The following VPS8 variants were observed in gnomAD, a reference collection of about 807,000 sequenced individuals.
The protein encoded by VPS8 is VPS8 subunit of CORVET complex.
Under a neutral mutation model 216.4 loss-of-function variants are expected in VPS8, and 129 were observed. The observed-to-expected ratio is 0.60, with a 90% CI of 0.52 to 0.69. The LOEUF is 0.69. Among genes scored for constraint, VPS8 ranks in the 30% least tolerant of loss-of-function variants. The pLI is 0.00. For synonymous variants in VPS8, 571 were observed against 565.4 expected, an observed-to-expected ratio of 1.01 and a Z score of -0.14; for missense variants, 1,531 against 1,683.5, an observed-to-expected ratio of 0.91 and a Z score of 1.59.
intron 45 of VPS8, among the ~76,000 whole-genome samples, chr3:185,002,548 C>T (rs928119816): frequency 6.6e-6 from 1 of 152,152 alleles, no homozygotes; most frequent in African/African-American, 2.4e-5. Context: ...GCACCCATCA[C>T]CCAAGCAGTG....
At chr3:185,013,672 T>TTA (rs1215802404) in intron 45 of VPS8, among the ~76,000 whole-genome samples, 1 of 152,234 alleles carries the variant, frequency 6.6e-6, no homozygotes, top group African/African-American at 2.4e-5. Context: ...AATCCTTATG[T>TTA]TTAGCTCCTA....
chr3:184,993,844 G>A (rs182153800), intron 42 of VPS8, 139 bp from the exon 43 acceptor site: 1,222 of 658,946 alleles, frequency 1.9e-3, no homozygotes, highest in Admixed American at 2.8e-3. Context: ...GTACATTTCC[G>A]GTGGAAAGTT....
Position 184,849,153 on chromosome 3 carries a change from C to A in VPS8, c.624C>A (p.Asn208Lys), listed in dbSNP as rs767407803. Residue 208 changes from asparagine (N) to lysine (K), a missense_variant, in exon 9 of 48, where the codon AAC becomes AAA. Coordinates refer to ENST00000625842, the MANE Select transcript of VPS8 (RefSeq NM_001009921.3). ...GCGCTATCTCTGCCCTCAGTATCAA[C>A]AATGATTGCTCAAGACTTCTTTGTG... ...QYGAISALSI[N>K]NDCSRLLCGF... The A allele has an allele frequency of 6.2e-7, 1 of 1,613,536 alleles. No homozygotes were observed. Among genetic ancestry groups the A allele is most frequent in the Non-Finnish European group, 8.5e-7 (1 of 1,179,630 alleles).
rs5855048 is a variant in VPS8 at position 184,940,270 on chromosome 3, T to TTATATATATATATATATATATATA, written c.3035+46_3035+47insATATATATATATATATATATATAT. 2.2e-5 allele frequency: 13 copies of TTATATATATATATATATATATATA among 579,896 alleles called. No homozygotes were observed. In the African/African-American group the frequency reaches 2.5e-4, roughly 11 times the overall value. 35.9% of individuals were successfully genotyped at this position (579,896 alleles called of 1,614,324 possible). A position where few individuals can be genotyped will look rare whatever the true frequency, so the allele number is the denominator to read the frequency against. On this transcript the variant is annotated intron_variant, in intron 36 of 47. Transcript: ENST00000625842. Reference sequence around the variant, plus strand: ...TATGTTGACAAACTTTAGTCTTTCATTATATATATATATATATATGAGAAA... The same window carrying TTATATATATATATATATATATATA: ...TATGTTGACAAACTTTAGTCTTTCATTATATATATATATATATATATATATATATATATATATATATATGAGAAA...
At chr3:185,051,484 G>A (rs1333656538) in intron 47 of VPS8, among the ~76,000 whole-genome samples, 1 of 152,100 alleles carries the variant, frequency 6.6e-6, no homozygotes, top group African/African-American at 2.4e-5. Context: ...AACAAGCAGA[G>A]CTGAGAACAG....
At chr3:184,993,114 A>G (rs1440342321) in intron 42 of VPS8, among the ~76,000 whole-genome samples, 2 of 152,266 alleles carry the variant, frequency 1.3e-5, no homozygotes, top group East Asian at 3.9e-4. Context: ...GAGAAAAAAA[A>G]AGAAATATTT....
intron 36 of VPS8, among the ~76,000 whole-genome samples, chr3:184,945,569 T>C (rs1204062966): frequency 6.6e-6 from 1 of 152,174 alleles, no homozygotes; most frequent in Non-Finnish European, 1.5e-5. Context: ...ATCTATAAAC[T>C]CTACCTCTTC....
intron 46 of VPS8, among the ~76,000 whole-genome samples, chr3:185,034,119 C>A (rs948918886): frequency 1.3e-5 from 2 of 152,174 alleles, no homozygotes; most frequent in Non-Finnish European, 2.9e-5. Flanking sequence ...GTTTAGCTCT[C>A]ACTTATAAGT....
At chr3:184,900,629 A>G (rs563893560) in intron 24 of VPS8, among the ~76,000 whole-genome samples, 3 of 152,356 alleles carry the variant, frequency 2.0e-5, no homozygotes, top group African/African-American at 7.2e-5. Context: ...TTAAAAGAAT[A>G]AAGCGTTTAA....
intron 21 of VPS8, among the ~76,000 whole-genome samples, chr3:184,875,137 A>G (rs1578017873): frequency 6.7e-6 from 1 of 149,626 alleles, no homozygotes; most frequent in East Asian, 2.0e-4. Flanking sequence ...TGGAGACATA[A>G]GTAACCTCTA....
chr3:184,882,053 C>T (rs1730363133), intron 21 of VPS8, among the ~76,000 whole-genome samples: 1 of 151,504 alleles, frequency 6.6e-6, no homozygotes. Context: ...CTTTCCCAAT[C>T]TGTGTGCTAT....
intron 46 of VPS8, among the ~76,000 whole-genome samples, chr3:185,025,118 G>A (rs1307707752): frequency 6.6e-6 from 1 of 152,214 alleles, no homozygotes; most frequent in African/African-American, 2.4e-5. Context: ...GCTGGCAGAA[G>A]AGAGCTCTCA....
At position 184,924,903 on chromosome 3, in the gene VPS8, A is replaced by T; in HGVS notation, c.2496A>T (p.Gly832=). ...CAGACTTTACCCCCTCACAAGTAGG[A>T]TGTCTCTTTACCTTCCTTGCTCGGC... The part of the protein sequence containing the change: ...ENSDFTPSQV[G]CLFTFLARQL... Residue 832 remains glycine (G), a synonymous_variant, in exon 30 of 48, where the codon GGA becomes GGT. Coordinates refer to ENST00000625842, the MANE Select transcript of VPS8 (RefSeq NM_001009921.3). The T allele has an allele frequency of 6.2e-7, 1 of 1,613,338 alleles. No individual in the cohort carries two copies. Among genetic ancestry groups the T allele is most frequent in the Non-Finnish European group, 8.5e-7 (1 of 1,179,758 alleles).
chr3:184,912,153 C>T (rs185476579), intron 25 of VPS8, among the ~76,000 whole-genome samples: 26 of 152,310 alleles, frequency 1.7e-4, no homozygotes, highest in Middle Eastern at 3.4e-3. Flanking sequence ...GCCCCTTCCT[C>T]GGGGCCGAGA....
intron 36 of VPS8, among the ~76,000 whole-genome samples, chr3:184,941,135 C>T (rs1021578537): frequency 6.7e-6 from 1 of 148,742 alleles, no homozygotes; most frequent in African/African-American, 2.5e-5. Flanking sequence ...TATTTACTTA[C>T]GTTAGCAATT....
intron 36 of VPS8, among the ~76,000 whole-genome samples, chr3:184,956,346 A>G (rs1745596068): frequency 6.6e-6 from 1 of 152,228 alleles, no homozygotes; most frequent in Non-Finnish European, 1.5e-5. Context: ...CCTTGTGAGC[A>G]ATCTTACTTC....
chr3:184,909,097 T>A (rs1021380432), intron 25 of VPS8, among the ~76,000 whole-genome samples: 7 of 152,194 alleles, frequency 4.6e-5, no homozygotes, highest in Non-Finnish European at 1.0e-4. Flanking sequence ...TGCCTAGGCA[T>A]TTGACTACCC....
intron 18 of VPS8, among the ~76,000 whole-genome samples, chr3:184,868,739 C>T (rs954545259): frequency 2.6e-5 from 4 of 152,162 alleles, no homozygotes; most frequent in African/African-American, 4.8e-5. Context: ...ATTTAGGCCC[C>T]GTGGCTCTCT....
chr3:184,967,694 G>A (rs1031404095), intron 39 of VPS8, among the ~76,000 whole-genome samples: 3 of 151,832 alleles, frequency 2.0e-5, no homozygotes, highest in East Asian at 1.9e-4. Context: ...AAAATTAGTC[G>A]GGTGTGGTGG....
Sources: gnomAD v4.1 joint callset for allele counts (sites outside exome capture counted in the v4.1 genomes callset) on GRCh38, gnomAD v4.1.1 for gene constraint, MANE v1.5 for transcripts, NCBI Gene and HGNC (gene_info 2026-07-23, HGNC 2026-07-21) for gene names.